Variants in FSIP1 observed in about 807,000 individuals in gnomAD.
FSIP1 encodes fibrous sheath interacting protein 1, also known as fibrous sheath-interacting protein 1.
Under a neutral mutation model 60.9 loss-of-function variants are expected in FSIP1, and 65 were observed. The observed-to-expected ratio is 1.07, with a 90% CI of 0.87 to 1.31. FSIP1 has a LOEUF of 1.31. Among genes scored for constraint, FSIP1 ranks in the 40% most tolerant of loss-of-function variants. The probability of loss-of-function intolerance (pLI) is 0.00; values close to 1 mark genes in which losing one functional copy is unlikely to be tolerated. For missense variants in FSIP1, 675 were observed against 665.5 expected, an observed-to-expected ratio of 1.01 and a Z score of -0.16; for synonymous variants, 209 against 221.2, an observed-to-expected ratio of 0.94 and a Z score of 0.49.
At chr15:39,688,942 A>G (rs1894490993) in intron 10 of FSIP1, among the ~76,000 whole-genome samples, 1 of 152,182 alleles carries the variant, frequency 6.6e-6, no homozygotes, top group Non-Finnish European at 1.5e-5. Flanking sequence ...GGTCTGTTTC[A>G]CCAAGAATTT....
intron 9 of FSIP1, 36 bp downstream of exon 9, chr15:39,726,553 A>T (rs199517902): frequency 6.5e-7 from 1 of 1,532,118 alleles, no homozygotes; most frequent in Non-Finnish European, 9.0e-7. Flanking sequence ...GCTTTAGCAC[A>T]CATTAACTTG....
intron 10 of FSIP1, among the ~76,000 whole-genome samples, chr15:39,632,714 A>G (rs566703528): frequency 6.6e-6 from 1 of 152,188 alleles, no homozygotes; most frequent in Non-Finnish European, 1.5e-5. Flanking sequence ...AATCGCTTGA[A>G]CCAGGGAGTC....
rs1896349001 is a variant in FSIP1, at chr15:39,730,161, A to G, written c.892-3414T>C. On this transcript the variant is annotated intron_variant, in intron 8 of 11. Coordinates refer to ENST00000350221, the MANE Select transcript of FSIP1 (RefSeq NM_152597.5). ...TGAAGTAGGTTATGGTGGTCACATT[A>G]TCTAAACTAGGGATTCTATAGATGA... is the stretch of plus-strand genomic sequence containing the variant. Among the ~76,000 whole-genome samples, 3 of 152,206 alleles carry G rather than the reference A, an allele frequency of 2.0e-5. No homozygotes were observed. In the South Asian group the frequency reaches 6.2e-4, roughly 32 times the overall value.
chr15:39,614,478 T>C (rs1222810278), intron 11 of FSIP1, among the ~76,000 whole-genome samples: 1 of 152,014 alleles, frequency 6.6e-6, no homozygotes, highest in African/African-American at 2.4e-5. Context: ...ATCTCGTCTC[T>C]ACTAAAGATA....
intron 5 of FSIP1, among the ~76,000 whole-genome samples, chr15:39,762,047 T>G (rs1035755406): frequency 1.3e-4 from 20 of 152,170 alleles, no homozygotes; most frequent in African/African-American, 4.8e-4. Context: ...ATGTCTAGTC[T>G]TGGTTATTCT....
intron 10 of FSIP1, among the ~76,000 whole-genome samples, chr15:39,694,842 A>G (rs1894750599): frequency 6.6e-6 from 1 of 152,044 alleles, no homozygotes; most frequent in South Asian, 2.1e-4. Flanking sequence ...ATATATATAT[A>G]TAAAGACTCA....
chr15:39,690,369 A>T (rs1393469454), intron 10 of FSIP1, among the ~76,000 whole-genome samples: 4 of 152,228 alleles, frequency 2.6e-5, no homozygotes, highest in African/African-American at 9.6e-5. Context: ...GGTAAGACAG[A>T]GATAAAGGAT....
At chr15:39,600,980 A>C in intron 11 of FSIP1, 54 bp from the exon 12 acceptor site, 1 of 1,395,246 alleles carries the variant, frequency 7.2e-7, no homozygotes, top group Non-Finnish European at 9.9e-7. Flanking sequence ...TGTATGCATA[A>C]TTAAGAAAAA....
At chr15:39,715,425 T>C (rs1895702345) in intron 9 of FSIP1, among the ~76,000 whole-genome samples, 1 of 152,142 alleles carries the variant, frequency 6.6e-6, no homozygotes, top group African/African-American at 2.4e-5. Flanking sequence ...CCCTATTCTC[T>C]GCATCCCAAT....
chr15:39,779,406 T>C (rs1233117438), intron 1 of FSIP1, among the ~76,000 whole-genome samples: 1 of 152,222 alleles, frequency 6.6e-6, no homozygotes, highest in Non-Finnish European at 1.5e-5. Flanking sequence ...TTTCTGTTTT[T>C]CTATTAACTA....
intron 11 of FSIP1, among the ~76,000 whole-genome samples, chr15:39,610,566 T>C (rs1890992176): frequency 6.6e-6 from 1 of 152,284 alleles, no homozygotes; most frequent in Admixed American, 6.5e-5. Flanking sequence ...CTCAGGAGGC[T>C]GAGGCAGGAG....
At chr15:39,611,938 T>C (rs1248657209) in intron 11 of FSIP1, among the ~76,000 whole-genome samples, 1 of 152,148 alleles carries the variant, frequency 6.6e-6, no homozygotes, top group Non-Finnish European at 1.5e-5. Context: ...CATTATATAA[T>C]GATAAAGGGA....
chr15:39,769,006 G>A (rs974198515), intron 3 of FSIP1, among the ~76,000 whole-genome samples: 5 of 152,166 alleles, frequency 3.3e-5, no homozygotes, highest in East Asian at 3.8e-4. Flanking sequence ...AGGGCCGGGC[G>A]CGGTGGCTCA....
chr15:39,775,182 A>G (rs544354326), intron 2 of FSIP1, among the ~76,000 whole-genome samples: 1 of 152,144 alleles, frequency 6.6e-6, no homozygotes, highest in African/African-American at 2.4e-5. Context: ...TGTCCTGCTA[A>G]TTTTTTTAAT....
intron 11 of FSIP1, among the ~76,000 whole-genome samples, chr15:39,607,733 T>C (rs1833244067): frequency 6.6e-6 from 1 of 152,224 alleles, no homozygotes. Flanking sequence ...TTGAAATAGT[T>C]GGAACAGACC....
chr15:39,688,069 C>T (rs2140498879), intron 10 of FSIP1, among the ~76,000 whole-genome samples: 1 of 152,278 alleles, frequency 6.6e-6, no homozygotes, highest in South Asian at 2.1e-4. Flanking sequence ...ACCAACTCTG[C>T]TTATAGGTAA....
intron 10 of FSIP1, among the ~76,000 whole-genome samples, chr15:39,677,525 TCA>T (rs1053604758): frequency 6.6e-6 from 1 of 152,188 alleles, no homozygotes; most frequent in African/African-American, 2.4e-5. Context: ...AAAATTATTT[TCA>T]CACCCCTTTA....
At chr15:39,712,568 T>G (rs1211710370) in intron 10 of FSIP1, among the ~76,000 whole-genome samples, 1 of 152,156 alleles carries the variant, frequency 6.6e-6, no homozygotes, top group African/African-American at 2.4e-5. Flanking sequence ...TCACCCAAGA[T>G]GACAGAATTT....
At chr15:39,716,354 T>C (rs1036612825) in intron 9 of FSIP1, among the ~76,000 whole-genome samples, 1 of 152,240 alleles carries the variant, frequency 6.6e-6, no homozygotes, top group Non-Finnish European at 1.5e-5. Context: ...AAAAAAATTA[T>C]AAGTTGCACT....
Sources: gnomAD v4.1 joint callset for allele counts (sites outside exome capture counted in the v4.1 genomes callset) on GRCh38, gnomAD v4.1.1 for gene constraint, MANE v1.5 for transcripts, NCBI Gene and HGNC (gene_info 2026-07-23, HGNC 2026-07-21) for gene names.